EPHB1: variants seen among roughly 807,000 people sequenced by gnomAD.
The protein encoded by EPHB1 is EPH receptor B1.
A neutral mutation model predicts 94.4 loss-of-function variants in EPHB1; 30 were observed. The ratio of observed to expected loss-of-function variants is 0.32; its 90% confidence interval spans 0.24 to 0.43. The LOEUF (loss-of-function observed/expected upper bound fraction) is 0.43. Ranked by LOEUF, EPHB1 falls within the 20% of genes least tolerant of loss-of-function variation. EPHB1 has a pLI of 1.00. For synonymous variants in EPHB1, 522 were observed against 489.1 expected (o/e 1.07, Z -0.89); for missense variants, 1,055 against 1,308.3 (o/e 0.81, Z 2.99).
At position 135,218,813 on chromosome 3, in the gene EPHB1, C is replaced by A. The variant is rs181468788; in HGVS notation, c.2346+17124C>A. Among the ~76,000 whole-genome samples the A allele has an allele frequency of 4.0e-4, 61 of 152,288 alleles. 2 individuals carry two copies. In the East Asian group the frequency reaches 0.011, roughly 26 times the overall value. ...AATTATGCAAGTAATTATATAATTGCAATTGTTAGGTGCTATGGCGGAGAA... is the reference window on the plus strand; with the variant it reads ...AATTATGCAAGTAATTATATAATTGAAATTGTTAGGTGCTATGGCGGAGAA... On this transcript the variant is annotated intron_variant, in intron 12 of 15. Coordinates refer to ENST00000398015, the MANE Select transcript of EPHB1 (RefSeq NM_004441.5).
chr3:135,249,582 C>T (rs1345654092), intron 15 of EPHB1, 91 bp downstream of exon 15: 23 of 1,457,018 alleles, frequency 1.6e-5, no homozygotes, highest in Non-Finnish European at 2.1e-5. Context: ...TATTTCTGGC[C>T]TCATCCCTGG....
intron 1 of EPHB1, among the ~76,000 whole-genome samples, chr3:134,874,450 C>T (rs1371606446): frequency 6.6e-6 from 1 of 152,148 alleles, no homozygotes; most frequent in Admixed American, 6.5e-5. Flanking sequence ...TGCAAACCTG[C>T]ATGATGTGCA....
At position 134,910,896 on chromosome 3, in the gene EPHB1, G is replaced by A. The variant is rs140169373; in HGVS notation, c.59-14920G>A. Among the ~76,000 whole-genome samples the A allele has an allele frequency of 2.0e-3, 312 of 152,326 alleles. 1 individual carries two copies. Among genetic ancestry groups the A allele is most frequent in the Non-Finnish European group, 3.7e-3 (250 of 68,032 alleles). On this transcript the variant is annotated intron_variant, in intron 1 of 15. Coordinates refer to ENST00000398015, the MANE Select transcript of EPHB1 (RefSeq NM_004441.5). ...CCTGTGCAGTTGACAGTGGTCATGT[G>A]GTACAACAGGACAGGGTGAGAACTG...
intron 1 of EPHB1, among the ~76,000 whole-genome samples, chr3:134,862,131 G>GAGGGA (rs1335642445): frequency 6.6e-6 from 1 of 152,148 alleles, no homozygotes; most frequent in East Asian, 1.9e-4. Context: ...CATCATAGGT[G>GAGGGA]AGGGAAGGGG....
intron 3 of EPHB1, among the ~76,000 whole-genome samples, chr3:135,076,234 G>GATATATATGTATAT (rs1937907844): frequency 7.6e-6 from 1 of 131,176 alleles, no homozygotes; most frequent in African/African-American, 3.7e-5. Context: ...TCTGAAAAGG[G>GATATATATGTATAT]ATATATATAT....
intron 1 of EPHB1, among the ~76,000 whole-genome samples, chr3:134,917,243 C>T (rs910239438): frequency 1.5e-4 from 23 of 152,178 alleles, no homozygotes; most frequent in Admixed American, 1.4e-3. Context: ...TAGAGGAGAA[C>T]GACCATCAAA....
chr3:135,036,275 C>T (rs1253448020), intron 3 of EPHB1, among the ~76,000 whole-genome samples: 19 of 152,118 alleles, frequency 1.2e-4, no homozygotes, highest in Admixed American at 1.2e-3. Flanking sequence ...GAGGGTGATG[C>T]CAGAGAGGAC....
At position 134,795,705 on chromosome 3, in the gene EPHB1, C is replaced by T. The variant is rs748368078; in HGVS notation, c.58+16C>T. 5 of 1,608,218 alleles carry T rather than the reference C, an allele frequency of 3.1e-6. No individual in the cohort carries two copies. Among genetic ancestry groups the T allele is most frequent in the Non-Finnish European group, 4.2e-6 (5 of 1,177,558 alleles). On this transcript the variant is annotated intron_variant, in intron 1 of 15. Transcript: ENST00000398015. ...GCGATGGAAGGTAACGTACCCTCCA[C>T]GGAGCAAGTTGGCTGCTGGTGCCGG... is the stretch of plus-strand genomic sequence containing the variant.
chr3:134,860,397 A>G (rs2037228743), intron 1 of EPHB1, among the ~76,000 whole-genome samples: 1 of 152,224 alleles, frequency 6.6e-6, no homozygotes, highest in Non-Finnish European at 1.5e-5. Context: ...GGTTGGAGAC[A>G]TGGAAAGATA....
chr3:135,087,576 A>G (rs867970923), intron 3 of EPHB1, among the ~76,000 whole-genome samples: 1 of 152,166 alleles, frequency 6.6e-6, no homozygotes, highest in South Asian at 2.1e-4. Context: ...TGTCCCTAAC[A>G]TCCCATCCTG....
chr3:134,992,793 G>A (rs1934858642), intron 3 of EPHB1, among the ~76,000 whole-genome samples: 1 of 152,152 alleles, frequency 6.6e-6, no homozygotes, highest in African/African-American at 2.4e-5. Flanking sequence ...TACTCACAGT[G>A]AGGCAGGAAA....
intron 15 of EPHB1, among the ~76,000 whole-genome samples, chr3:135,251,291 A>C (rs556334601): frequency 6.6e-6 from 1 of 152,326 alleles, no homozygotes; most frequent in South Asian, 2.1e-4. Context: ...CATCTTTTAG[A>C]GTGAAAAATT....
At chr3:134,972,616 C>G (rs761077952) in intron 3 of EPHB1, among the ~76,000 whole-genome samples, 65 of 148,490 alleles carry the variant, frequency 4.4e-4, no homozygotes, top group Non-Finnish European at 7.7e-4. Context: ...AACAGGGTTA[C>G]AAAAATTGCC....
intron 1 of EPHB1, among the ~76,000 whole-genome samples, chr3:134,872,002 C>A (rs2037509214): frequency 6.6e-6 from 1 of 152,164 alleles, no homozygotes; most frequent in African/African-American, 2.4e-5. Flanking sequence ...GTCAAACTGC[C>A]CTTCCCTCCA....
At chr3:134,816,083 G>GTT (rs71624054) in intron 1 of EPHB1, among the ~76,000 whole-genome samples, 142 of 96,400 alleles carry the variant, frequency 1.5e-3, no homozygotes, top group African/African-American at 5.2e-3. Flanking sequence ...TTCTGTTTCT[G>GTT]TTTTTTTTTT....
Position 135,132,615 on chromosome 3 carries a change from G to A in EPHB1, c.962-99G>A, listed in dbSNP as rs533841487. On this transcript the variant is annotated intron_variant, in intron 4 of 15. Transcript: ENST00000398015. ...GTTGAGGAAGGAGTGGGAGGCGAGC[G>A]CACTGATGAGGTTGGGAATGCACCA... The A allele has an allele frequency of 2.1e-5, 22 of 1,038,948 alleles. No homozygotes were observed. In the East Asian group the frequency reaches 2.9e-4, roughly 14 times the overall value. 64.4% of individuals were successfully genotyped at this position (1,038,948 alleles called of 1,614,324 possible).
intron 12 of EPHB1, among the ~76,000 whole-genome samples, chr3:135,240,592 T>A (rs1200744873): frequency 6.6e-6 from 1 of 152,300 alleles, no homozygotes; most frequent in Non-Finnish European, 1.5e-5. Context: ...CAGGGCTATC[T>A]GCATGCTACA....
chr3:135,169,154 T>C (rs886834895), intron 9 of EPHB1, among the ~76,000 whole-genome samples: 1 of 152,166 alleles, frequency 6.6e-6, no homozygotes, highest in African/African-American at 2.4e-5. Flanking sequence ...GGGACTCTGT[T>C]ACCTCTCAGG....
At chr3:134,927,816 A>T (rs927847339) in intron 2 of EPHB1, among the ~76,000 whole-genome samples, 1 of 152,150 alleles carries the variant, frequency 6.6e-6, no homozygotes, top group African/African-American at 2.4e-5. Flanking sequence ...CCCAACACTC[A>T]TTGTGAGGCA....
Sources: gnomAD v4.1 joint callset for allele counts (sites outside exome capture counted in the v4.1 genomes callset) on GRCh38, gnomAD v4.1.1 for gene constraint, MANE v1.5 for transcripts, NCBI Gene and HGNC (gene_info 2026-07-23, HGNC 2026-07-21) for gene names.